The following DCLK1 variants were observed in gnomAD, a reference collection of about 807,000 sequenced individuals.
DCLK1 encodes the protein serine/threonine-protein kinase DCLK1.
A neutral mutation model predicts 86.2 loss-of-function variants in DCLK1; 16 were observed. That is an observed-to-expected ratio of 0.19 (90% CI 0.13 to 0.28). The LOEUF (loss-of-function observed/expected upper bound fraction) is 0.28. DCLK1 is among the 10% of genes least tolerant of loss of function. DCLK1 has a pLI of 1.00. For missense variants in DCLK1, 590 were observed against 940.2 expected (o/e 0.63, Z 4.87); for synonymous variants, 369 against 370.5 (o/e 1.00, Z 0.05).
In DCLK1 at chr13:36,034,040, T is replaced by A. The variant is rs1882393573; in HGVS notation, c.723+77829A>T. ...TCCTTTAAATCTATAAGAAACACCA[T>A]AGAAAAAGCAGGAGCCAGGAGGGAA... On this transcript the variant is annotated intron_variant, in intron 3 of 16. Transcript: ENST00000360631. Among the ~76,000 whole-genome samples, 3 of 152,020 alleles carry A rather than the reference T, an allele frequency of 2.0e-5. No individual in the cohort carries two copies. In the South Asian group the frequency reaches 6.2e-4, roughly 32 times the overall value.
chr13:35,961,352 T>C (rs564054009), intron 3 of DCLK1, among the ~76,000 whole-genome samples: 1 of 152,316 alleles, frequency 6.6e-6, no homozygotes, highest in East Asian at 1.9e-4. Flanking sequence ...TCAACTACCA[T>C]GGAAGAGAGA....
chr13:36,000,760 G>T (rs902264660), intron 3 of DCLK1, among the ~76,000 whole-genome samples: 5 of 152,080 alleles, frequency 3.3e-5, no homozygotes, highest in African/African-American at 1.2e-4. Context: ...CCCTGAATAT[G>T]TTCCAATGTA....
chr13:35,778,382 T>G (rs181216963), intron 16 of DCLK1, among the ~76,000 whole-genome samples: 14 of 152,328 alleles, frequency 9.2e-5, no homozygotes, highest in Non-Finnish European at 1.9e-4. Flanking sequence ...CACTTGATTT[T>G]CAAGCACAGC....
At chr13:36,060,568 C>A (rs1926335) in intron 3 of DCLK1, among the ~76,000 whole-genome samples, 1 of 151,840 alleles carries the variant, frequency 6.6e-6, no homozygotes, top group Non-Finnish European at 1.5e-5. Flanking sequence ...TGTGTCCTAG[C>A]GTGTGTGTTG....
intron 8 of DCLK1, among the ~76,000 whole-genome samples, chr13:35,834,430 C>T (rs1356613907): frequency 6.6e-6 from 1 of 152,164 alleles, no homozygotes; most frequent in Non-Finnish European, 1.5e-5. Flanking sequence ...TGGAGCTGGG[C>T]TCGGACCTAT....
intron 3 of DCLK1, among the ~76,000 whole-genome samples, chr13:35,973,419 C>T (rs751950177): frequency 6.6e-6 from 1 of 152,186 alleles, no homozygotes; most frequent in Non-Finnish European, 1.5e-5. Flanking sequence ...CCCTGCACCT[C>T]GCACCTCGGT....
At chr13:35,822,903 CA>C in intron 10 of DCLK1, 28 bp from the exon 11 acceptor site, 1 of 1,612,214 alleles carries the variant, frequency 6.2e-7, no homozygotes, top group Non-Finnish European at 8.5e-7. Flanking sequence ...GCTGAAGCAG[CA>C]CATTAACAGA....
rs1294137653 is a variant in DCLK1 at position 36,125,708 on chromosome 13, A to G, written c.376+54T>C. On this transcript the variant is annotated intron_variant, in intron 2 of 16. Transcript: ENST00000360631. ...AAATGCGAATCGGCTACAACACTGG[A>G]AATCTGAGCCTGGAACCTGTAGGGT... The G allele has an allele frequency of 4.5e-6, 7 of 1,560,802 alleles. No homozygotes were observed. The East Asian group carries it at 1.3e-4, about 30-fold the overall frequency.
chr13:35,917,991 T>G (rs377633702), intron 4 of DCLK1, among the ~76,000 whole-genome samples: 1 of 152,046 alleles, frequency 6.6e-6, no homozygotes, highest in African/African-American at 2.4e-5. Flanking sequence ...AGAAAACAAA[T>G]AGAGACCATG....
At chr13:35,914,329 A>AT in intron 4 of DCLK1, among the ~76,000 whole-genome samples, 1 of 37,146 alleles carries the variant, frequency 2.7e-5, no homozygotes, top group African/African-American at 1.4e-4. Flanking sequence ...CAGAAAAAAA[A>AT]AAAATATATA....
At chr13:35,900,647 G>T (rs938410459) in intron 4 of DCLK1, among the ~76,000 whole-genome samples, 9 of 152,140 alleles carry the variant, frequency 5.9e-5, no homozygotes, top group Admixed American at 2.0e-4. Flanking sequence ...GCACTATTGG[G>T]CTAGATAATT....
At chr13:36,087,408 C>G (rs112438692) in intron 3 of DCLK1, among the ~76,000 whole-genome samples, 1 of 152,064 alleles carries the variant, frequency 6.6e-6, no homozygotes, top group Non-Finnish European at 1.5e-5. Context: ...AAAAATAAAC[C>G]CTTGCAAAGG....
chr13:35,913,200 T>C (rs2153125146), intron 4 of DCLK1, among the ~76,000 whole-genome samples: 1 of 152,322 alleles, frequency 6.6e-6, no homozygotes, highest in African/African-American at 2.4e-5. Flanking sequence ...CCAAAGGGCC[T>C]TGTGTTAGTT....
At chr13:36,068,082 T>G (rs1485825512) in intron 3 of DCLK1, among the ~76,000 whole-genome samples, 1 of 152,198 alleles carries the variant, frequency 6.6e-6, no homozygotes, top group Non-Finnish European at 1.5e-5. Flanking sequence ...CCACACCGAT[T>G]AATATTTTAA....
chr13:35,863,416 GA>G (rs779769859), intron 5 of DCLK1, among the ~76,000 whole-genome samples: 12 of 152,198 alleles, frequency 7.9e-5, no homozygotes, highest in Admixed American at 5.9e-4. Context: ...ACAAGCAGTT[GA>G]TGTAGGTTGC....
intron 4 of DCLK1, among the ~76,000 whole-genome samples, chr13:35,886,698 T>C (rs1395363607): frequency 6.6e-6 from 1 of 152,204 alleles, no homozygotes; most frequent in African/African-American, 2.4e-5. Flanking sequence ...ATTCTTTCCT[T>C]TTTATCATAA....
chr13:35,921,504 T>C (rs573368222), intron 4 of DCLK1, among the ~76,000 whole-genome samples: 3 of 152,298 alleles, frequency 2.0e-5, no homozygotes, highest in South Asian at 2.1e-4. Context: ...AGATCCACAA[T>C]GCATGGTCTC....
At chr13:35,946,021 AT>A (rs1299200786) in intron 4 of DCLK1, among the ~76,000 whole-genome samples, 2 of 152,124 alleles carry the variant, frequency 1.3e-5, no homozygotes, top group Non-Finnish European at 1.5e-5. Context: ...ACTCTAAGTC[AT>A]TTTTTTGGGG....
At chr13:35,961,774 T>A (rs890442543) in intron 3 of DCLK1, among the ~76,000 whole-genome samples, 1 of 152,190 alleles carries the variant, frequency 6.6e-6, no homozygotes, top group Non-Finnish European at 1.5e-5. Flanking sequence ...AAAAAAGGCA[T>A]AGTTATTCAA....
Sources: allele counts gnomAD v4.1 joint callset (sites outside exome capture counted in the v4.1 genomes callset), GRCh38; gene constraint gnomAD v4.1.1; transcripts MANE v1.5; gene names NCBI Gene and HGNC (gene_info 2026-07-23, HGNC 2026-07-21).